Variants in TNS4 observed in about 807,000 individuals in gnomAD.
TNS4 encodes tensin 4.
A neutral mutation model predicts 70.4 loss-of-function variants in TNS4; 46 were observed. The observed-to-expected ratio is 0.65, with a 90% CI of 0.52 to 0.84. The LOEUF (loss-of-function observed/expected upper bound fraction) is 0.84, where lower values mean the gene tolerates loss of function less well. Ranked by LOEUF, TNS4 falls within the 40% of genes least tolerant of loss-of-function variation. The pLI is 0.00. For missense variants in TNS4, 863 were observed against 907.0 expected (o/e 0.95, Z 0.62); for synonymous variants, 390 against 366.6 (o/e 1.06, Z -0.73).
rs779522697 is a variant in TNS4, at chr17:40,488,925, C to T, written c.484G>A (p.Asp162Asn). ...EVTSARSRCH[D>N]GPQHCSSPSV... is the part of the protein sequence containing the mutation. ...GGGCTGGAGCAGTGCTGGGGGCCAT[C>T]GTGGCACCTTGATCTGGCGGAGGTC... Residue 162 changes from aspartate (D) to asparagine (N), a missense_variant, in exon 3 of 13, where the codon GAT (aspartate) becomes AAT (asparagine). Coordinates refer to ENST00000254051, the MANE Select transcript of TNS4 (RefSeq NM_032865.6). The T allele has an allele frequency of 2.4e-5, 38 of 1,597,896 alleles. No individual in the cohort carries two copies. Among genetic ancestry groups the T allele is most frequent in the Non-Finnish European group, 2.9e-5 (34 of 1,174,460 alleles).
intron 9 of TNS4, 95 bp downstream of exon 9, chr17:40,480,605 T>C: frequency 8.3e-7 from 1 of 1,204,408 alleles, no homozygotes; most frequent in Non-Finnish European, 1.1e-6. Flanking sequence ...TGTGTGCCTG[T>C]GCGTGTGTGC....
At chr17:40,498,490 C>T (rs1314213754) in intron 1 of TNS4, among the ~76,000 whole-genome samples, 1 of 152,204 alleles carries the variant, frequency 6.6e-6, no homozygotes, top group East Asian at 1.9e-4. Flanking sequence ...AAATAGTTTA[C>T]ATACGAATTA....
At chr17:40,498,594 T>C (rs1288884552) in intron 1 of TNS4, among the ~76,000 whole-genome samples, 1 of 152,208 alleles carries the variant, frequency 6.6e-6, no homozygotes, top group Non-Finnish European at 1.5e-5. Flanking sequence ...TGTCGCTCTG[T>C]TGCCCAGGCT....
At position 40,484,857 on chromosome 17, in the gene TNS4, G is replaced by A. The variant is rs2035971087; in HGVS notation, c.1375+64C>T. 3.8e-6 allele frequency: 6 copies of A among 1,572,284 alleles called. No individual in the cohort carries two copies. The South Asian group carries it at 6.7e-5, about 17-fold the overall frequency. ...TGCCATTCCTTAACTGTAACCCAGGGCCCTGCCTGATGCAAAGTGCAAGAC... is the reference window on the plus strand; with the variant it reads ...TGCCATTCCTTAACTGTAACCCAGGACCCTGCCTGATGCAAAGTGCAAGAC... On this transcript the variant is annotated intron_variant, in intron 5 of 12. Coordinates refer to ENST00000254051, the MANE Select transcript of TNS4 (RefSeq NM_032865.6).
intron 2 of TNS4, 125 bp downstream of exon 2, chr17:40,495,862 T>C: frequency 1.0e-6 from 1 of 986,426 alleles, no homozygotes. Context: ...GGTTAGTAAC[T>C]TGGTTAGGTT....
In TNS4 at chr17:40,482,218, C is replaced by A; in HGVS notation, c.1595-12G>T. ...GGCAGAGAGGCTCCCTGAAAGGAAGCAAGCAGCCCTGCATGAGTAGAGCTT... is the reference window on the plus strand; with the variant it reads ...GGCAGAGAGGCTCCCTGAAAGGAAGAAAGCAGCCCTGCATGAGTAGAGCTT... On this transcript the variant is annotated splice_polypyrimidine_tract_variant and intron_variant, in intron 7 of 12. Transcript: ENST00000254051. The A allele has an allele frequency of 6.2e-7, 1 of 1,614,192 alleles. No homozygotes were observed. Among genetic ancestry groups the A allele is most frequent in the Non-Finnish European group, 8.5e-7 (1 of 1,180,020 alleles).
intron 5 of TNS4, 107 bp from the exon 6 acceptor site, chr17:40,484,716 C>T (rs777131258): frequency 6.5e-7 from 1 of 1,527,614 alleles, no homozygotes; most frequent in Non-Finnish European, 8.8e-7. Context: ...CCTTTTGTCC[C>T]CAGGAAGTCC....
chr17:40,498,642 G>A (rs1293014812), intron 1 of TNS4, among the ~76,000 whole-genome samples: 3 of 151,996 alleles, frequency 2.0e-5, no homozygotes, highest in Non-Finnish European at 2.9e-5. Context: ...CTGCAGCCTT[G>A]ACCTCCTGGG....
At chr17:40,482,040 T>C (rs2035927622) in intron 8 of TNS4, 89 bp downstream of exon 8, 4 of 1,426,428 alleles carry the variant, frequency 2.8e-6, no homozygotes, top group South Asian at 1.2e-5. Context: ...ACTAAAATAA[T>C]CCACCAACAA....
chr17:40,480,720 G>A lies in TNS4; in HGVS notation c.1721C>T (p.Ser574Phe). ...GASDSTDSPASCQKKSAGCHT... is the reference protein window; with the variant it reads ...GASDSTDSPAFCQKKSAGCHT... ...CTCACCCGCAGATTTCTTCTGGCAG[G>A]AGGCTGGGCTGTCTGTAGAGTCCGA... The change falls in exon 9 of 13, where the codon TCC (serine) becomes TTC (phenylalanine). Residue 574 changes from serine (S) to phenylalanine (F), a missense_variant. By Grantham distance (155) the Ser-to-Phe change is radical. Coordinates refer to ENST00000254051, the MANE Select transcript of TNS4 (RefSeq NM_032865.6). 3 of 1,568,486 alleles carry A rather than the reference G, an allele frequency of 1.9e-6. No homozygotes were observed. Among genetic ancestry groups the A allele is most frequent in the South Asian group, 2.4e-5 (2 of 83,890 alleles).
chr17:40,499,364 G>C (rs981594609), intron 1 of TNS4, among the ~76,000 whole-genome samples: 1 of 152,204 alleles, frequency 6.6e-6, no homozygotes, highest in African/African-American at 2.4e-5. Flanking sequence ...CTCGGCTCTT[G>C]AGACAGGAGT....
intron 1 of TNS4, among the ~76,000 whole-genome samples, chr17:40,499,668 C>T (rs2036188452): frequency 1.3e-5 from 2 of 152,260 alleles, no homozygotes; most frequent in African/African-American, 4.8e-5. Flanking sequence ...GGGAAGCTTT[C>T]TATAAATGGA....
chr17:40,482,559 C>A, intron 6 of TNS4, 143 bp from the exon 7 acceptor site: 1 of 639,446 alleles, frequency 1.6e-6, no homozygotes, highest in South Asian at 1.8e-5. Context: ...GCCTGACCCA[C>A]ATGGTAAAAC....
In TNS4 at chr17:40,477,368, GTCT is replaced by G. The variant is rs1340088592; in HGVS notation, c.*217_*219del. 3 of 538,422 alleles carry G rather than the reference GTCT, an allele frequency of 5.6e-6. No individual in the cohort carries two copies. The East Asian group carries it at 9.2e-5, about 17-fold the overall frequency. 33.4% of individuals were successfully genotyped at this position (538,422 alleles called of 1,614,324 possible). A position where few individuals can be genotyped will look rare whatever the true frequency, so the allele number is the denominator to read the frequency against. On this transcript the variant is annotated 3_prime_UTR_variant, in exon 13 of 13. Transcript: ENST00000254051. ...TAAGAACAGCTGATCTTGTCTATTG[GTCT>G]TCTTCTATGATTGAGGAAACTGAGG... is the stretch of plus-strand genomic sequence containing the variant.
chr17:40,482,676 G>A (rs187954470), intron 6 of TNS4, among the ~76,000 whole-genome samples: 29 of 152,024 alleles, frequency 1.9e-4, no homozygotes, highest in Admixed American at 1.0e-3. Context: ...TACCCGGGAG[G>A]CTGAGGCAGG....
At chr17:40,487,563 C>A in intron 3 of TNS4, 103 bp from the exon 4 acceptor site, 1 of 1,242,854 alleles carries the variant, frequency 8.0e-7, no homozygotes, top group Non-Finnish European at 1.1e-6. Context: ...GCTTTAAAGG[C>A]CAAATAGAAC....
rs1190429919 is a variant in TNS4 at position 40,477,217 on chromosome 17, G to A, written c.*371C>T. Reference sequence around the variant, plus strand: ...GGGCTGCAGGTCTCTTGCTCAGACTGTTGTGTGGGCAGGGCCCAGGTCGAT... The same window carrying A: ...GGGCTGCAGGTCTCTTGCTCAGACTATTGTGTGGGCAGGGCCCAGGTCGAT... On this transcript the variant is annotated 3_prime_UTR_variant, in exon 13 of 13. Transcript: ENST00000254051. The A allele has an allele frequency of 5.5e-6, 1 of 181,096 alleles. No homozygotes were observed. Among genetic ancestry groups the A allele is most frequent in the Admixed American group, 5.8e-5 (1 of 17,344 alleles). 11.2% of individuals were successfully genotyped at this position (181,096 alleles called of 1,614,324 possible).
intron 8 of TNS4, 78 bp downstream of exon 8, chr17:40,482,051 G>A: frequency 1.3e-6 from 2 of 1,507,022 alleles, no homozygotes; most frequent in South Asian, 2.3e-5. Context: ...CCACCAACAA[G>A]GTAGGAGTGA....
chr17:40,487,575 C>T lies in TNS4; in HGVS notation c.864-115G>A, dbSNP rs1051958483. 1.6e-4 allele frequency: 172 copies of T among 1,054,058 alleles called. 1 individual carries two copies. Among genetic ancestry groups the T allele is most frequent in the Non-Finnish European group, 2.2e-4 (162 of 734,604 alleles). 65.3% of individuals were successfully genotyped at this position (1,054,058 alleles called of 1,614,324 possible). On this transcript the variant is annotated intron_variant, in intron 3 of 12. Transcript: ENST00000254051. ...ATGGCTTTAAAGGCCAAATAGAACA[C>T]TGCATACCCCACCCCCTACAGCCCA... is the stretch of plus-strand genomic sequence containing the variant.
Sources: gnomAD v4.1 joint callset for allele counts (sites outside exome capture counted in the v4.1 genomes callset) on GRCh38, gnomAD v4.1.1 for gene constraint, MANE v1.5 for transcripts, NCBI Gene and HGNC (gene_info 2026-07-23, HGNC 2026-07-21) for gene names.